MYO3B: variants seen among roughly 807,000 people sequenced by gnomAD.
MYO3B encodes myosin-IIIb.
In MYO3B, 156 loss-of-function variants were observed where a neutral mutation model predicts 174.6. The observed-to-expected ratio is 0.89, with a 90% CI of 0.78 to 1.02. MYO3B has a LOEUF of 1.02. Among genes scored for constraint, MYO3B ranks in the 50% least tolerant of loss-of-function variants. MYO3B has a pLI of 0.00. For missense variants in MYO3B, 1,632 were observed against 1,639.4 expected, an observed-to-expected ratio of 1.00 and a Z score of 0.08; for synonymous variants, 563 against 569.1, an observed-to-expected ratio of 0.99 and a Z score of 0.15.
intron 25 of MYO3B, among the ~76,000 whole-genome samples, chr2:170,470,846 G>C (rs1684938105): frequency 6.6e-6 from 1 of 152,066 alleles, no homozygotes; most frequent in Non-Finnish European, 1.5e-5. Flanking sequence ...CAGCTTTTCT[G>C]TGTTTCTTGG....
chr2:170,231,003 G>C (rs1480016442), intron 6 of MYO3B, among the ~76,000 whole-genome samples: 1 of 152,226 alleles, frequency 6.6e-6, no homozygotes, highest in Non-Finnish European at 1.5e-5. Context: ...CGTGACCCAA[G>C]AGCTGCTGAC....
chr2:170,387,193 A>AGTTTTGG lies in MYO3B; in HGVS notation c.1462_1463insGTTTTGG (p.Asn488SerfsTer28), dbSNP rs1469982969. On this transcript the variant is annotated frameshift_variant, in exon 14 of 35. Transcript: ENST00000408978. LOFTEE classifies it high-confidence loss of function. Reference sequence around the variant, plus strand: ...GAACTCATGCACTGCCATCAATGACAACTCGAGCCGTTTTGGAAAATATCT... The same window carrying AGTTTTGG: ...GAACTCATGCACTGCCATCAATGACAGTTTTGGACTCGAGCCGTTTTGGAAAATATCT... 5 of 1,614,058 alleles carry AGTTTTGG rather than the reference A, an allele frequency of 3.1e-6. No individual in the cohort carries two copies. In the Admixed American group the frequency reaches 8.3e-5, roughly 27 times the overall value.
intron 6 of MYO3B, among the ~76,000 whole-genome samples, chr2:170,227,447 G>A (rs947778215): frequency 4.6e-5 from 6 of 131,254 alleles, no homozygotes; most frequent in African/African-American, 1.5e-4. Context: ...ACCACGCCCC[G>A]CTAATTTTTG....
intron 6 of MYO3B, among the ~76,000 whole-genome samples, chr2:170,230,365 T>TTTTTTTTTGGA (rs1559318980): frequency 2.6e-4 from 36 of 140,848 alleles, no homozygotes; most frequent in African/African-American, 1.0e-3. Context: ...TTTTTTTTAG[T>TTTTTTTTTGGA]AGAGACGGGG....
At chr2:170,439,529 G>A (rs1041268306) in intron 22 of MYO3B, among the ~76,000 whole-genome samples, 4 of 151,998 alleles carry the variant, frequency 2.6e-5, no homozygotes, top group Non-Finnish European at 4.4e-5. Context: ...TTCGTTGATT[G>A]TTTCCTTGGT....
At chr2:170,201,622 A>G (rs2092663058) in intron 3 of MYO3B, among the ~76,000 whole-genome samples, 1 of 152,182 alleles carries the variant, frequency 6.6e-6, no homozygotes, top group Non-Finnish European at 1.5e-5. Context: ...TATAAGATGT[A>G]AGGGATTTTG....
intron 8 of MYO3B, chr2:170,340,884 G>A (rs561618010): frequency 1.3e-3 from 201 of 151,926 alleles, no homozygotes; most frequent in African/African-American, 4.6e-3. Context: ...CATATTTTGG[G>A]GTAGCATTTC....
At chr2:170,556,526 C>CA (rs1691305036) in intron 32 of MYO3B, among the ~76,000 whole-genome samples, 2 of 147,648 alleles carry the variant, frequency 1.4e-5, no homozygotes, top group African/African-American at 2.5e-5. Context: ...TGGATTTTTA[C>CA]TTTTTTTTTT....
At chr2:170,352,085 T>C (rs7592800) in intron 8 of MYO3B, among the ~76,000 whole-genome samples, 152,137 of 152,316 alleles carry the variant, frequency 1, 75,979 homozygotes, top group Middle Eastern at 1. Context: ...CCTGAGTAGC[T>C]GGGGTTGCAG....
At chr2:170,548,551 G>T (rs539116753) in intron 32 of MYO3B, among the ~76,000 whole-genome samples, 2 of 152,078 alleles carry the variant, frequency 1.3e-5, no homozygotes, top group African/African-American at 2.4e-5. Context: ...GCATGATCTG[G>T]GTTATGATTT....
intron 32 of MYO3B, among the ~76,000 whole-genome samples, chr2:170,559,195 A>G (rs577834207): frequency 1.3e-5 from 2 of 152,314 alleles, no homozygotes; most frequent in African/African-American, 4.8e-5. Flanking sequence ...CTTTAGGGAG[A>G]CATAGAGTCA....
chr2:170,316,669 C>T (rs770770259), intron 7 of MYO3B, among the ~76,000 whole-genome samples: 1 of 152,202 alleles, frequency 6.6e-6, no homozygotes, highest in African/African-American at 2.4e-5. Flanking sequence ...GGTCATGAGA[C>T]TAATGTTATC....
intron 8 of MYO3B, chr2:170,341,166 G>A (rs904661056): frequency 2.0e-5 from 3 of 152,138 alleles, no homozygotes; most frequent in Non-Finnish European, 4.4e-5. Flanking sequence ...TTCACTGTAG[G>A]CCTGAATGCT....
At chr2:170,411,684 T>C (rs55943637) in intron 22 of MYO3B, 26,914 of 152,224 alleles carry the variant, frequency 0.18, 2,999 homozygotes, top group East Asian at 0.55. Context: ...ATCCAGTTGG[T>C]ATTTTCTTGT....
At chr2:170,512,589 G>A (rs114699396) in intron 28 of MYO3B, among the ~76,000 whole-genome samples, 1,809 of 152,314 alleles carry the variant, frequency 0.012, 28 homozygotes, top group East Asian at 0.03. Context: ...AACAATGCCT[G>A]ATCTGTCCTT....
intron 8 of MYO3B, among the ~76,000 whole-genome samples, chr2:170,364,552 C>A (rs1411126436): frequency 1.3e-5 from 2 of 152,110 alleles, no homozygotes; most frequent in African/African-American, 2.4e-5. Flanking sequence ...GGAAGATAGT[C>A]TTCTTTTGGA....
intron 7 of MYO3B, among the ~76,000 whole-genome samples, chr2:170,314,731 A>G (rs1158468299): frequency 1.3e-5 from 2 of 152,226 alleles, no homozygotes; most frequent in African/African-American, 2.4e-5. Context: ...TAATGAAACA[A>G]TAAGATTTGG....
At chr2:170,453,563 T>C (rs1683736369) in intron 23 of MYO3B, among the ~76,000 whole-genome samples, 1 of 151,924 alleles carries the variant, frequency 6.6e-6, no homozygotes, top group African/African-American at 2.4e-5. Flanking sequence ...GGGCTCCCTT[T>C]CTCTGCAACT....
At chr2:170,209,076 G>C (rs2092744464) in intron 3 of MYO3B, among the ~76,000 whole-genome samples, 1 of 152,096 alleles carries the variant, frequency 6.6e-6, no homozygotes, top group African/African-American at 2.4e-5. Flanking sequence ...TTTTCCCAAG[G>C]GGCTTTTAGC....
Sources: gnomAD v4.1 joint callset for allele counts (sites outside exome capture counted in the v4.1 genomes callset) on GRCh38, gnomAD v4.1.1 for gene constraint, MANE v1.5 for transcripts, NCBI Gene and HGNC (gene_info 2026-07-23, HGNC 2026-07-21) for gene names.